LRMDA: variants seen among roughly 807,000 people sequenced by gnomAD.
LRMDA encodes leucine rich melanocyte differentiation associated.
LRMDA carries 18 observed loss-of-function variants against 29.8 expected under a neutral mutation model. The ratio of observed to expected loss-of-function variants is 0.60; its 90% CI spans 0.42 to 0.90. The LOEUF is 0.90. Ranked by LOEUF, LRMDA falls within the 40% of genes least tolerant of loss-of-function variation. The pLI is 0.00. For missense variants in LRMDA, 273 were observed against 273.9 expected (o/e 1.00, Z 0.02); for synonymous variants, 125 against 109.4 (o/e 1.14, Z -0.89).
chr10:76,266,125 T>C (rs188052499), intron 5 of LRMDA, among the ~76,000 whole-genome samples: 7 of 152,272 alleles, frequency 4.6e-5, no homozygotes, highest in Admixed American at 6.5e-5. Flanking sequence ...ACTTACCTCA[T>C]AGAGTTGTTG....
At chr10:75,728,426 C>CTGTGTGTGTGTG (rs34902461) in intron 2 of LRMDA, among the ~76,000 whole-genome samples, 1 of 138,190 alleles carries the variant, frequency 7.2e-6, no homozygotes, top group African/African-American at 2.7e-5. Context: ...ATACGTGGCT[C>CTGTGTGTGTGTG]TGTGTGTGTG....
chr10:76,451,595 G>T (rs989471784), intron 6 of LRMDA, among the ~76,000 whole-genome samples: 1 of 151,664 alleles, frequency 6.6e-6, no homozygotes, highest in African/African-American at 2.4e-5. Context: ...TCCTTTGAAC[G>T]GTGCTGCATG....
intron 2 of LRMDA, among the ~76,000 whole-genome samples, chr10:75,969,796 C>A (rs1194933295): frequency 6.6e-6 from 1 of 152,170 alleles, no homozygotes; most frequent in African/African-American, 2.4e-5. Flanking sequence ...AAATTGAGCT[C>A]TGAGTCCTCA....
intron 2 of LRMDA, among the ~76,000 whole-genome samples, chr10:75,562,953 G>T (rs1483473405): frequency 6.6e-6 from 1 of 152,052 alleles, no homozygotes; most frequent in African/African-American, 2.4e-5. Context: ...CTCTCTGGCT[G>T]CCCTTAACAT....
intron 6 of LRMDA, among the ~76,000 whole-genome samples, chr10:76,449,344 ATGTC>A (rs1166544489): frequency 3.3e-5 from 5 of 151,850 alleles, no homozygotes; most frequent in Non-Finnish European, 7.4e-5. Context: ...CATAAGTTAT[ATGTC>A]CTTTATATCT....
At chr10:76,504,933 G>T (rs929300335) in intron 6 of LRMDA, among the ~76,000 whole-genome samples, 3 of 152,092 alleles carry the variant, frequency 2.0e-5, no homozygotes, top group African/African-American at 4.8e-5. Flanking sequence ...GTGGTAGCAG[G>T]TATCATTCTT....
intron 2 of LRMDA, among the ~76,000 whole-genome samples, chr10:75,654,396 G>A (rs1373265394): frequency 1.3e-5 from 2 of 152,158 alleles, no homozygotes; most frequent in African/African-American, 4.8e-5. Context: ...TTCTTACCCA[G>A]GAGTATATTA....
At chr10:75,630,713 C>T (rs1354869203) in intron 2 of LRMDA, among the ~76,000 whole-genome samples, 4 of 152,188 alleles carry the variant, frequency 2.6e-5, no homozygotes, top group Admixed American at 2.6e-4. Flanking sequence ...TATCACAAGG[C>T]ATAGCATTCA....
At chr10:75,618,382 CTATATA>C (rs71477026) in intron 2 of LRMDA, among the ~76,000 whole-genome samples, 2,939 of 76,990 alleles carry the variant, frequency 0.038, 61 homozygotes, top group African/African-American at 0.078. Context: ...CTCTCTCTCT[CTATATA>C]TATATATATA....
intron 2 of LRMDA, among the ~76,000 whole-genome samples, chr10:75,710,184 T>A (rs1842419446): frequency 6.6e-6 from 1 of 152,182 alleles, no homozygotes; most frequent in Non-Finnish European, 1.5e-5. Context: ...TAATTATATA[T>A]CAGAATCTAA....
intron 5 of LRMDA, among the ~76,000 whole-genome samples, chr10:76,169,198 C>T (rs757008297): frequency 7.2e-5 from 11 of 152,128 alleles, no homozygotes; most frequent in Admixed American, 2.0e-4. Context: ...TAGGATTCTT[C>T]GGCATAAAAC....
intron 2 of LRMDA, among the ~76,000 whole-genome samples, chr10:75,600,395 C>A (rs1840867518): frequency 6.6e-6 from 1 of 152,322 alleles, no homozygotes; most frequent in East Asian, 1.9e-4. Flanking sequence ...TTAAACCTGG[C>A]AGCCCTGCAC....
At chr10:75,872,330 A>G (rs7086133) in intron 2 of LRMDA, among the ~76,000 whole-genome samples, 1,866 of 151,490 alleles carry the variant, frequency 0.012, 40 homozygotes, top group African/African-American at 0.043. Context: ...AGACGATGGA[A>G]TCTCGCTCTG....
rs572952358 is a variant in LRMDA at position 75,924,656 on chromosome 10, A to C, written c.132-111352A>C. On this transcript the variant is annotated intron_variant, in intron 2 of 6. Coordinates refer to ENST00000611255, the MANE Select transcript of LRMDA (RefSeq NM_001305581.2). Reference sequence around the variant, plus strand: ...GGGAAAGTGGCTTTAATACCCTGAAAAGCAAAGGAATCCGCCTGTCAGCTT... The same window carrying C: ...GGGAAAGTGGCTTTAATACCCTGAACAGCAAAGGAATCCGCCTGTCAGCTT... Among the ~76,000 whole-genome samples the C allele has an allele frequency of 5.2e-4, 79 of 152,252 alleles. 1 individual carries two copies. The highest frequency in any genetic ancestry group is 1.9e-3 in the African/African-American group (77 of 41,552).
At chr10:75,897,191 A>G (rs992901088) in intron 2 of LRMDA, among the ~76,000 whole-genome samples, 1 of 152,212 alleles carries the variant, frequency 6.6e-6, no homozygotes, top group Non-Finnish European at 1.5e-5. Context: ...ATAAGTTTAA[A>G]TATGCCTCTT....
intron 6 of LRMDA, among the ~76,000 whole-genome samples, chr10:76,529,186 T>C (rs759407084): frequency 6.6e-6 from 1 of 152,130 alleles, no homozygotes; most frequent in Non-Finnish European, 1.5e-5. Context: ...TCCTGTGCTT[T>C]TGTTTCCTCC....
intron 6 of LRMDA, among the ~76,000 whole-genome samples, chr10:76,425,790 C>A (rs1842118815): frequency 2.0e-5 from 3 of 149,556 alleles, no homozygotes; most frequent in Non-Finnish European, 4.4e-5. Context: ...GTGTGATGTT[C>A]CCCTTCCTGT....
At chr10:75,546,471 A>G (rs993311125) in intron 2 of LRMDA, among the ~76,000 whole-genome samples, 1 of 152,222 alleles carries the variant, frequency 6.6e-6, no homozygotes, top group African/African-American at 2.4e-5. Flanking sequence ...AAAAAAGAAG[A>G]GAAGACTATA....
At chr10:76,481,742 A>G (rs550341551) in intron 6 of LRMDA, among the ~76,000 whole-genome samples, 1 of 152,024 alleles carries the variant, frequency 6.6e-6, no homozygotes, top group South Asian at 2.1e-4. Flanking sequence ...CCTGCATCCC[A>G]GTTCATAAGT....
Sources: allele counts gnomAD v4.1 joint callset (sites outside exome capture counted in the v4.1 genomes callset), GRCh38; gene constraint gnomAD v4.1.1; transcripts MANE v1.5; gene names NCBI Gene and HGNC (gene_info 2026-07-23, HGNC 2026-07-21).